Variants in LPP observed in about 807,000 individuals in gnomAD.
LPP encodes the protein lipoma-preferred partner.
In LPP, 38 loss-of-function variants were observed where a neutral mutation model predicts 60.4. The ratio of observed to expected loss-of-function variants is 0.63; its 90% CI spans 0.49 to 0.83. LPP has a LOEUF of 0.83. LPP is among the 40% of genes least tolerant of loss of function. The pLI, the probability that LPP is intolerant of heterozygous loss-of-function variation, is 0.00. For missense variants in LPP, 902 were observed against 783.6 expected (o/e 1.15, Z -1.80); for synonymous variants, 328 against 290.8 (o/e 1.13, Z -1.30).
chr3:188,517,170 C>T (rs553643205), intron 5 of LPP, among the ~76,000 whole-genome samples: 101 of 152,156 alleles, frequency 6.6e-4, no homozygotes, highest in African/African-American at 2.2e-3. Flanking sequence ...ATGAGGGACC[C>T]GAGAGCTCAG....
chr3:188,860,598 T>G (rs1406813549), intron 9 of LPP, among the ~76,000 whole-genome samples: 1 of 151,898 alleles, frequency 6.6e-6, no homozygotes, highest in Non-Finnish European at 1.5e-5. Context: ...AACCTGCCAG[T>G]TGAGAAGTTC....
Position 188,609,605 on chromosome 3 carries a change from A to C in LPP, c.874A>C (p.Asn292His), listed in dbSNP as rs781254226. Residue 292 changes from asparagine (N) to histidine (H), a missense_variant, in exon 7 of 12, where the codon AAC becomes CAC. Coordinates refer to ENST00000617246, the MANE Select transcript of LPP (RefSeq NM_001375462.1). The surrounding 1 kb of genome is among the most constrained non-coding windows in gnomAD (Gnocchi z 6.9). ...QPEPGYGYAP[N>H]QGRYYEGYYA... The stretch of plus-strand genomic sequence containing the variant: ...GGAGCCTGGGTATGGGTATGCCCCC[A>C]ACCAGGGACGCTATTATGAAGGCTA... 7 of 1,614,164 alleles carry C rather than the reference A, an allele frequency of 4.3e-6. No individual in the cohort carries two copies. The highest frequency in any genetic ancestry group is 5.9e-6 in the Non-Finnish European group (7 of 1,180,028).
intron 3 of LPP, among the ~76,000 whole-genome samples, chr3:188,347,862 G>C (rs1052063771): frequency 3.9e-5 from 6 of 152,218 alleles, no homozygotes; most frequent in Admixed American, 6.5e-5. Flanking sequence ...AGAAATGGAG[G>C]TGGTTAGAAG....
chr3:188,687,775 CTTTT>C (rs61574227), intron 7 of LPP, among the ~76,000 whole-genome samples: 3 of 127,138 alleles, frequency 2.4e-5, no homozygotes. Context: ...GTCTTATACT[CTTTT>C]TTTTTTTTTT....
intron 6 of LPP, among the ~76,000 whole-genome samples, chr3:188,575,897 C>G (rs1270078820): frequency 1.3e-5 from 2 of 152,034 alleles, no homozygotes; most frequent in East Asian, 3.9e-4. Context: ...ATGTGATTGA[C>G]TGGATTTGAG....
chr3:188,638,059 C>T (rs1235694835), intron 7 of LPP, among the ~76,000 whole-genome samples: 1 of 133,238 alleles, frequency 7.5e-6, no homozygotes, highest in African/African-American at 2.8e-5. Context: ...GAGACACAAC[C>T]AAAAAAGAGA....
rs558995085 is a variant in LPP at position 188,390,574 on chromosome 3, G to A, written c.-9-15538G>A. Among the ~76,000 whole-genome samples, 142 of 151,332 alleles carry A rather than the reference G, an allele frequency of 9.4e-4. 1 individual carries two copies. Among genetic ancestry groups the A allele is most frequent in the African/African-American group, 3.4e-3 (138 of 41,170 alleles). On this transcript the variant is annotated intron_variant, in intron 3 of 11. Coordinates refer to ENST00000617246, the MANE Select transcript of LPP (RefSeq NM_001375462.1). ...AAGGCCCTGGCCTGCAGCCACTGCT[G>A]GACCGGGTGCCAGAACTGGGTTTAG...
At chr3:188,856,875 G>A (rs1394455559) in intron 9 of LPP, among the ~76,000 whole-genome samples, 1 of 152,190 alleles carries the variant, frequency 6.6e-6, no homozygotes, top group African/African-American at 2.4e-5. Flanking sequence ...ATATTTATCA[G>A]TGTGCAACAA....
At chr3:188,713,445 A>G (rs951106225) in intron 8 of LPP, among the ~76,000 whole-genome samples, 84 of 152,056 alleles carry the variant, frequency 5.5e-4, no homozygotes, top group African/African-American at 1.8e-3. Flanking sequence ...TTGAATATCA[A>G]TGATATATTA....
At chr3:188,639,916 G>A (rs766221860) in intron 7 of LPP, among the ~76,000 whole-genome samples, 3 of 151,938 alleles carry the variant, frequency 2.0e-5, no homozygotes, top group South Asian at 2.1e-4. Context: ...TTACACTGTT[G>A]GTGGGACTGT....
At chr3:188,814,067 A>G (rs1259832139) in intron 9 of LPP, among the ~76,000 whole-genome samples, 1 of 152,068 alleles carries the variant, frequency 6.6e-6, no homozygotes, top group Non-Finnish European at 1.5e-5. Context: ...GTGAGACTCT[A>G]TCTCAAAACA....
chr3:188,269,643 TTATGTG>T (rs1736924936), intron 2 of LPP, among the ~76,000 whole-genome samples: 1 of 134,376 alleles, frequency 7.4e-6, no homozygotes, highest in African/African-American at 3.2e-5. Flanking sequence ...GCCTTTTTTT[TTATGTG>T]TGTGTGTGTG....
At chr3:188,703,153 T>C (rs373831689) in intron 7 of LPP, among the ~76,000 whole-genome samples, 1 of 152,096 alleles carries the variant, frequency 6.6e-6, no homozygotes, top group African/African-American at 2.4e-5. Context: ...TATGCTACAG[T>C]GAATATGTTG....
intron 2 of LPP, among the ~76,000 whole-genome samples, chr3:188,257,677 T>G (rs904278205): frequency 6.6e-6 from 1 of 152,218 alleles, no homozygotes; most frequent in African/African-American, 2.4e-5. Flanking sequence ...TTCAAGTTGT[T>G]TTTTTGCTCA....
Position 188,883,787 on chromosome 3 carries a change from C to T in LPP, c.*9308C>T, listed in dbSNP as rs1770343941. 5.2e-6 allele frequency: 1 copy of T among 190,798 alleles called. No individual in the cohort carries two copies. The highest frequency in any genetic ancestry group is 2.0e-4 in the South Asian group (1 of 5,032). The allele number at this position is 190,798 out of a possible 1,614,324, so 11.8% of individuals were successfully genotyped here. A position where few individuals can be genotyped will look rare whatever the true frequency, so the allele number is the denominator to read the frequency against. On this transcript the variant is annotated 3_prime_UTR_variant, in exon 12 of 12. Transcript: ENST00000617246. ...AAATATTGGTGTATAATCCCCATGT[C>T]TAACAAGGAAGAAGTCAAAAGCAAA...
chr3:188,457,976 A>C (rs934390714), intron 4 of LPP, among the ~76,000 whole-genome samples: 1 of 152,132 alleles, frequency 6.6e-6, no homozygotes, highest in African/African-American at 2.4e-5. Flanking sequence ...AATGATAGAA[A>C]TATGAAGCAT....
intron 1 of LPP, among the ~76,000 whole-genome samples, chr3:188,174,146 A>G (rs559034349): frequency 3.3e-5 from 5 of 152,346 alleles, no homozygotes; most frequent in African/African-American, 7.2e-5. Flanking sequence ...TTTCAAGAAG[A>G]TTGGGACAAG....
chr3:188,521,836 T>C (rs1471825910), intron 5 of LPP, among the ~76,000 whole-genome samples: 2 of 152,166 alleles, frequency 1.3e-5, no homozygotes, highest in Non-Finnish European at 1.5e-5. Context: ...TGCCAATATA[T>C]TGGACTATCT....
intron 5 of LPP, among the ~76,000 whole-genome samples, chr3:188,486,643 C>T (rs141461585): frequency 2.0e-5 from 3 of 152,258 alleles, no homozygotes; most frequent in East Asian, 3.9e-4. Flanking sequence ...CATTTGAAAT[C>T]AGTAAATTGC....
Sources: allele counts gnomAD v4.1 joint callset (sites outside exome capture counted in the v4.1 genomes callset), GRCh38; gene constraint gnomAD v4.1.1; non-coding constraint Gnocchi (gnomAD v3.1); transcripts MANE v1.5; gene names NCBI Gene and HGNC (gene_info 2026-07-23, HGNC 2026-07-21).